Variants in HS6ST3 observed in about 807,000 individuals in gnomAD.
HS6ST3 encodes the protein heparan-sulfate 6-O-sulfotransferase 3.
In HS6ST3, 12 loss-of-function variants were observed where a neutral mutation model predicts 36.7. That is an observed-to-expected ratio of 0.33 (90% confidence interval 0.21 to 0.53). The LOEUF (loss-of-function observed/expected upper bound fraction) is 0.53, where lower values mean the gene tolerates loss of function less well. Ranked by LOEUF, HS6ST3 falls within the 20% of genes least tolerant of loss-of-function variation. The pLI is 0.95. For synonymous variants in HS6ST3, 240 were observed against 257.5 expected (o/e 0.93, Z 0.65); for missense variants, 584 against 640.9 (o/e 0.91, Z 0.96).
chr13:96,468,772 A>T (rs2055826773), intron 1 of HS6ST3, among the ~76,000 whole-genome samples: 1 of 152,164 alleles, frequency 6.6e-6, no homozygotes. Flanking sequence ...TTAAGAAGTG[A>T]AATCTCTACT....
chr13:96,142,507 A>G (rs1233232871), intron 1 of HS6ST3, among the ~76,000 whole-genome samples: 1 of 152,182 alleles, frequency 6.6e-6, no homozygotes, highest in African/African-American at 2.4e-5. Context: ...TCTCCACCAA[A>G]GTGTAAATGG....
chr13:96,556,536 G>A (rs547018761), intron 1 of HS6ST3, among the ~76,000 whole-genome samples: 4 of 152,188 alleles, frequency 2.6e-5, no homozygotes, highest in Admixed American at 2.0e-4. Flanking sequence ...AAATTGGTTT[G>A]AAGCTTTGGC....
At chr13:96,586,075 T>A (rs1469624084) in intron 1 of HS6ST3, among the ~76,000 whole-genome samples, 1 of 152,198 alleles carries the variant, frequency 6.6e-6, no homozygotes, top group Non-Finnish European at 1.5e-5. Context: ...ACTACTTTTG[T>A]CTTGCTAGTT....
chr13:96,543,717 T>C (rs1210674656), intron 1 of HS6ST3, among the ~76,000 whole-genome samples: 8 of 152,158 alleles, frequency 5.3e-5, no homozygotes, highest in Non-Finnish European at 1.2e-4. Context: ...TCTCTCCAAA[T>C]AACTCTCCAG....
intron 1 of HS6ST3, among the ~76,000 whole-genome samples, chr13:96,389,800 A>C (rs2055387031): frequency 6.6e-6 from 1 of 152,204 alleles, no homozygotes; most frequent in South Asian, 2.1e-4. Context: ...GATCTCCCTA[A>C]GATTTTAACA....
At chr13:96,599,928 A>G (rs764847829) in intron 1 of HS6ST3, among the ~76,000 whole-genome samples, 1 of 151,916 alleles carries the variant, frequency 6.6e-6, no homozygotes, top group African/African-American at 2.4e-5. Context: ...ATTTCCATGT[A>G]TTTGTATACT....
intron 1 of HS6ST3, among the ~76,000 whole-genome samples, chr13:96,733,154 A>G (rs1876202074): frequency 6.6e-6 from 1 of 152,128 alleles, no homozygotes; most frequent in Admixed American, 6.5e-5. Context: ...TCTGGCTAGA[A>G]CTTCCAGTAC....
At chr13:96,549,067 GC>G (rs1205434011) in intron 1 of HS6ST3, among the ~76,000 whole-genome samples, 32 of 152,270 alleles carry the variant, frequency 2.1e-4, no homozygotes, top group African/African-American at 7.7e-4. Context: ...CGGGCCTTCA[GC>G]CATTCCTCAT....
At chr13:96,807,561 C>T (rs1002396945) in intron 1 of HS6ST3, among the ~76,000 whole-genome samples, 1 of 152,040 alleles carries the variant, frequency 6.6e-6, no homozygotes, top group African/African-American at 2.4e-5. Context: ...AGCAAAATGC[C>T]AGAAGTTAGG....
chr13:96,126,904 C>G (rs2053954828), intron 1 of HS6ST3, among the ~76,000 whole-genome samples: 2 of 152,188 alleles, frequency 1.3e-5, no homozygotes, highest in South Asian at 4.2e-4. Context: ...TCCTCTACCC[C>G]CAGCTCTCAT....
chr13:96,142,937 C>T (rs569018763), intron 1 of HS6ST3, among the ~76,000 whole-genome samples: 19 of 152,146 alleles, frequency 1.2e-4, no homozygotes, highest in Non-Finnish European at 2.5e-4. Flanking sequence ...AGTGCTGATG[C>T]TTTCCGAGAG....
At chr13:96,530,005 G>T (rs1320095581) in intron 1 of HS6ST3, among the ~76,000 whole-genome samples, 1 of 152,166 alleles carries the variant, frequency 6.6e-6, no homozygotes, top group Non-Finnish European at 1.5e-5. Flanking sequence ...TAGACTTGGG[G>T]CTGATCTTCA....
intron 1 of HS6ST3, among the ~76,000 whole-genome samples, chr13:96,357,353 A>C (rs549167426): frequency 6.6e-6 from 1 of 152,172 alleles, no homozygotes; most frequent in African/African-American, 2.4e-5. Context: ...TGCCTTCCTT[A>C]TCACTCAACT....
At chr13:96,307,602 A>G (rs1015509987) in intron 1 of HS6ST3, among the ~76,000 whole-genome samples, 1 of 152,038 alleles carries the variant, frequency 6.6e-6, no homozygotes, top group African/African-American at 2.4e-5. Flanking sequence ...ATAGGAAATA[A>G]TTTATTGTAT....
chr13:96,675,988 T>C (rs1190571900), intron 1 of HS6ST3, among the ~76,000 whole-genome samples: 1 of 152,102 alleles, frequency 6.6e-6, no homozygotes, highest in African/African-American at 2.4e-5. Context: ...TCAGTCAGCC[T>C]AGAGATGAGT....
chr13:96,653,920 T>C (rs2056615827), intron 1 of HS6ST3, among the ~76,000 whole-genome samples: 1 of 152,238 alleles, frequency 6.6e-6, no homozygotes, highest in Admixed American at 6.5e-5. Flanking sequence ...TGAGATGGTA[T>C]GTCATTGTGG....
intron 1 of HS6ST3, among the ~76,000 whole-genome samples, chr13:96,722,230 A>G (rs1407070897): frequency 6.6e-6 from 1 of 152,128 alleles, no homozygotes; most frequent in Non-Finnish European, 1.5e-5. Flanking sequence ...GTGCCACTGC[A>G]CTCCAGCCTG....
chr13:96,665,261 C>A (rs1195105593), intron 1 of HS6ST3, among the ~76,000 whole-genome samples: 2 of 152,136 alleles, frequency 1.3e-5, no homozygotes, highest in Non-Finnish European at 2.9e-5. Flanking sequence ...TTCATGCATT[C>A]ATTGATGTAT....
chr13:96,201,627 C>T (rs542938016), intron 1 of HS6ST3, among the ~76,000 whole-genome samples: 1 of 152,212 alleles, frequency 6.6e-6, no homozygotes, highest in South Asian at 2.1e-4. Flanking sequence ...AGCTTTAAAT[C>T]TGCCTAGAAG....
Sources: allele counts gnomAD v4.1 joint callset (sites outside exome capture counted in the v4.1 genomes callset), GRCh38; gene constraint gnomAD v4.1.1; transcripts MANE v1.5; gene names NCBI Gene and HGNC (gene_info 2026-07-23, HGNC 2026-07-21).